The following SNTB1 variants were observed in gnomAD, a reference collection of about 807,000 sequenced individuals.
The protein encoded by SNTB1 is syntrophin beta 1, also known as beta-1-syntrophin.
A neutral mutation model predicts 48.9 loss-of-function variants in SNTB1; 36 were observed. The observed-to-expected ratio is 0.74, with a 90% confidence interval of 0.56 to 0.97. The LOEUF is 0.97. Among genes scored for constraint, SNTB1 ranks in the 50% least tolerant of loss-of-function variants. The pLI is 0.00. For missense variants in SNTB1, 786 were observed against 703.4 expected (o/e 1.12, Z -1.33); for synonymous variants, 299 against 294.6 (o/e 1.01, Z -0.15).
chr8:120,632,491 T>C lies in SNTB1; in HGVS notation c.949A>G (p.Ile317Val), dbSNP rs751732617. The C allele has an allele frequency of 1.1e-4, 170 of 1,614,026 alleles. No homozygotes were observed. The highest frequency in any genetic ancestry group is 4.9e-4 in the Middle Eastern group (3 of 6,084). Reference sequence around the variant, plus strand: ...TGCCTAATCTCTCGGCTCCCAGCAATGCCTGTTTTCCCCAGCTGCTCTCTG... The same window carrying C: ...TGCCTAATCTCTCGGCTCCCAGCAACGCCTGTTTTCCCCAGCTGCTCTCTG... Reference protein sequence around the residue: ...EVREQLGKTGIAGSREIRHLG... With the variant: ...EVREQLGKTGVAGSREIRHLG... The change falls in exon 3 of 7, where the codon ATT becomes GTT. Residue 317 changes from isoleucine (I) to valine (V), a missense_variant. By Grantham distance (29) the Ile-to-Val change is conservative (BLOSUM62 3). Transcript: ENST00000517992.
chr8:120,694,532 G>GAT (rs923007207), intron 1 of SNTB1, among the ~76,000 whole-genome samples: 1 of 149,050 alleles, frequency 6.7e-6, no homozygotes, highest in East Asian at 2.0e-4. Context: ...TTTAAAAAAT[G>GAT]ATATATATAT....
chr8:120,637,658 T>G (rs1210322045), intron 2 of SNTB1: 2 of 333,078 alleles, frequency 6.0e-6, no homozygotes, highest in Non-Finnish European at 1.2e-5. Flanking sequence ...AAACATTTAT[T>G]ATTTTAGGAA....
chr8:120,565,016 T>C (rs2130672770), intron 4 of SNTB1, among the ~76,000 whole-genome samples: 1 of 152,342 alleles, frequency 6.6e-6, no homozygotes, highest in East Asian at 1.9e-4. Context: ...TTTCTCTCTC[T>C]ACCAGCAAAT....
rs1305617270 is a variant in SNTB1 at position 120,669,513 on chromosome 8, C to T, written c.788+24179G>A. Among the ~76,000 whole-genome samples the T allele has an allele frequency of 2.1e-3, 73 of 34,526 alleles. 22 individuals are homozygous for T. Among genetic ancestry groups the T allele is most frequent in the Non-Finnish European group, 3.2e-4 (7 of 21,894 alleles). 22.7% of individuals were successfully genotyped at this position (34,526 alleles called of 152,430 possible). A position where few individuals can be genotyped will look rare whatever the true frequency, so the allele number is the denominator to read the frequency against. Reference sequence around the variant, plus strand: ...CAGGCCGGACTGCGGACTGCAGTGGCGCAATCTCGGCTCACTGCAAGCTCC... The same window carrying T: ...CAGGCCGGACTGCGGACTGCAGTGGTGCAATCTCGGCTCACTGCAAGCTCC... On this transcript the variant is annotated intron_variant, in intron 2 of 6. Coordinates refer to ENST00000517992, the MANE Select transcript of SNTB1 (RefSeq NM_021021.4).
chr8:120,654,618 G>A (rs192546067), intron 2 of SNTB1, among the ~76,000 whole-genome samples: 1 of 152,214 alleles, frequency 6.6e-6, no homozygotes, highest in Admixed American at 6.5e-5. Context: ...GCCAAGATGA[G>A]CCGTTTCGAT....
At chr8:120,793,911 G>T (rs1317879135) in intron 1 of SNTB1, among the ~76,000 whole-genome samples, 1 of 151,938 alleles carries the variant, frequency 6.6e-6, no homozygotes, top group African/African-American at 2.4e-5. Flanking sequence ...AGTGTGACTA[G>T]CTCACAGTGT....
chr8:120,678,250 C>T (rs769854105), intron 2 of SNTB1, among the ~76,000 whole-genome samples: 5 of 152,064 alleles, frequency 3.3e-5, no homozygotes, highest in Non-Finnish European at 5.9e-5. Flanking sequence ...CCTTATATCC[C>T]GTCTGTCTCT....
chr8:120,580,207 A>AT (rs1291883707), intron 3 of SNTB1, among the ~76,000 whole-genome samples: 2 of 152,168 alleles, frequency 1.3e-5, no homozygotes, highest in Admixed American at 1.3e-4. Context: ...TTCTCGCTTC[A>AT]TACCAACTCA....
At chr8:120,725,748 C>T (rs78115598) in intron 1 of SNTB1, among the ~76,000 whole-genome samples, 2,152 of 152,236 alleles carry the variant, frequency 0.014, 34 homozygotes, top group Non-Finnish European at 0.021. Flanking sequence ...TATTCCTCAT[C>T]GTAACATAGG....
chr8:120,544,072 T>C (rs765572845), intron 5 of SNTB1, among the ~76,000 whole-genome samples: 6 of 152,004 alleles, frequency 3.9e-5, no homozygotes, highest in Non-Finnish European at 8.8e-5. Flanking sequence ...ATTACAGGCA[T>C]GTGTCCCATG....
At chr8:120,595,357 A>T (rs1169379612) in intron 3 of SNTB1, among the ~76,000 whole-genome samples, 2 of 152,302 alleles carry the variant, frequency 1.3e-5, no homozygotes, top group South Asian at 2.1e-4. Flanking sequence ...CAAGGTGGCA[A>T]CAAGAGTGAC....
intron 4 of SNTB1, among the ~76,000 whole-genome samples, chr8:120,572,671 C>G (rs560359848): frequency 9.2e-5 from 14 of 152,236 alleles, no homozygotes; most frequent in African/African-American, 2.9e-4. Flanking sequence ...GGAAGATCAC[C>G]TGAGGTCAGG....
chr8:120,795,664 A>T (rs145169382), intron 1 of SNTB1, among the ~76,000 whole-genome samples: 1 of 152,186 alleles, frequency 6.6e-6, no homozygotes, highest in East Asian at 1.9e-4. Context: ...CACCAACTGG[A>T]TGGCTTAGAC....
intron 1 of SNTB1, among the ~76,000 whole-genome samples, chr8:120,734,064 T>C (rs759332788): frequency 1.5e-4 from 23 of 152,192 alleles, no homozygotes; most frequent in Non-Finnish European, 2.1e-4. Context: ...AGATATTCAA[T>C]AAATATTTTG....
intron 2 of SNTB1, among the ~76,000 whole-genome samples, chr8:120,639,785 T>C (rs1475566339): frequency 6.6e-6 from 1 of 152,244 alleles, no homozygotes; most frequent in African/African-American, 2.4e-5. Flanking sequence ...ACTATAGCCT[T>C]GTAGTACAGT....
chr8:120,788,273 C>T (rs60638930), intron 1 of SNTB1, among the ~76,000 whole-genome samples: 21,669 of 152,082 alleles, frequency 0.14, 3,096 homozygotes, highest in East Asian at 0.36. Context: ...GGAATAGATA[C>T]TCCTGAAAGC....
chr8:120,734,352 C>T (rs1818902776), intron 1 of SNTB1, among the ~76,000 whole-genome samples: 1 of 150,954 alleles, frequency 6.6e-6, no homozygotes, highest in Non-Finnish European at 1.5e-5. Flanking sequence ...GAAGCTGAGG[C>T]AGGAGGATTG....
rs556775426 is a variant in SNTB1, at chr8:120,714,251, A to C, written c.572-20343T>G. Among the ~76,000 whole-genome samples, 15 of 152,186 alleles carry C rather than the reference A, an allele frequency of 9.9e-5. No homozygotes were observed. In the East Asian group the frequency reaches 2.9e-3, roughly 29 times the overall value. ...ACAGAGACAGAACCCCTCCTCTGTT[A>C]GATTACATTTAAGAAAGCAGTGCGT... On this transcript the variant is annotated intron_variant, in intron 1 of 6. Coordinates refer to ENST00000517992, the MANE Select transcript of SNTB1 (RefSeq NM_021021.4).
chr8:120,709,286 G>C (rs961855346), intron 1 of SNTB1, among the ~76,000 whole-genome samples: 4 of 152,110 alleles, frequency 2.6e-5, no homozygotes, highest in Admixed American at 1.3e-4. Flanking sequence ...AAACTACCTT[G>C]GTTAATTAAT....
Sources: gnomAD v4.1 joint callset for allele counts (sites outside exome capture counted in the v4.1 genomes callset) on GRCh38, gnomAD v4.1.1 for gene constraint, MANE v1.5 for transcripts, NCBI Gene and HGNC (gene_info 2026-07-23, HGNC 2026-07-21) for gene names.